The following QTMAN variants were observed in gnomAD, a reference collection of about 807,000 sequenced individuals.
The protein encoded by QTMAN is queuosine-tRNA mannosyltransferase, also known as tRNA-queuosine alpha-mannosyltransferase.
chr2:143,956,339 CAAT>C, the QTMAN span, among the ~76,000 whole-genome samples: 166 of 152,198 alleles, frequency 1.1e-3, no homozygotes, highest in African/African-American at 3.5e-3. Flanking sequence ...GGCTTTGACT[CAAT>C]GATGCATGCT....
the QTMAN span, among the ~76,000 whole-genome samples, chr2:144,287,642 T>C: frequency 6.6e-6 from 1 of 152,144 alleles, no homozygotes; most frequent in Non-Finnish European, 1.5e-5. Flanking sequence ...CTACTAAACC[T>C]AGATCTATCT....
the QTMAN span, among the ~76,000 whole-genome samples, chr2:144,225,772 C>T: frequency 6.6e-6 from 1 of 152,182 alleles, no homozygotes; most frequent in Non-Finnish European, 1.5e-5. Context: ...GAAGTAATTA[C>T]GCTTTCCTCT....
At chr2:143,964,772 T>G in the QTMAN span, among the ~76,000 whole-genome samples, 6 of 152,056 alleles carry the variant, frequency 3.9e-5, no homozygotes, top group Non-Finnish European at 5.9e-5. Context: ...ACCAGAAGCT[T>G]TCCATATACT....
the QTMAN span, among the ~76,000 whole-genome samples, chr2:144,083,028 T>C: frequency 1.3e-5 from 2 of 152,186 alleles, no homozygotes; most frequent in Admixed American, 6.5e-5. Context: ...TCTCCCTCTC[T>C]AGAGGCCGGC....
the QTMAN span, among the ~76,000 whole-genome samples, chr2:144,247,198 TG>T: frequency 6.6e-6 from 1 of 152,110 alleles, no homozygotes; most frequent in Non-Finnish European, 1.5e-5. Context: ...GGGAGGAGAA[TG>T]GAAGTGTGCT....
the QTMAN span, among the ~76,000 whole-genome samples, chr2:144,120,101 A>C: frequency 2.6e-5 from 4 of 152,168 alleles, no homozygotes; most frequent in Non-Finnish European, 5.9e-5. Context: ...AAAAAATATG[A>C]GATTTGTGGT....
the QTMAN span, among the ~76,000 whole-genome samples, chr2:144,045,137 C>T: frequency 3.3e-5 from 5 of 152,290 alleles, no homozygotes; most frequent in African/African-American, 2.4e-5. Flanking sequence ...ATTTTAAAGA[C>T]GAAGTTCCAC....
chr2:144,075,037 G>A, the QTMAN span, among the ~76,000 whole-genome samples: 2 of 152,210 alleles, frequency 1.3e-5, no homozygotes, highest in Non-Finnish European at 2.9e-5. Context: ...AACTTTTGAG[G>A]AGGTAAGCAA....
chr2:144,172,615 C>A, the QTMAN span, among the ~76,000 whole-genome samples: 1 of 118,394 alleles, frequency 8.4e-6, no homozygotes, highest in East Asian at 2.4e-4. Flanking sequence ...CAGAACAAGA[C>A]TCTGTCAAAA....
the QTMAN span, among the ~76,000 whole-genome samples, chr2:144,038,187 T>C: frequency 2.0e-5 from 3 of 152,232 alleles, no homozygotes; most frequent in Non-Finnish European, 2.9e-5. Flanking sequence ...TAATCATTCA[T>C]TGCTGTGAAT....
chr2:144,054,141 T>C, the QTMAN span, among the ~76,000 whole-genome samples: 6 of 151,856 alleles, frequency 4.0e-5, no homozygotes, highest in African/African-American at 1.5e-4. Context: ...TGAGCAGAGA[T>C]TGAGCCACTG....
the QTMAN span, chr2:144,145,735 G>C: frequency 1.2e-6 from 2 of 1,608,240 alleles, no homozygotes; most frequent in African/African-American, 2.7e-5. Flanking sequence ...CTTGCAAAGA[G>C]GGTCCTAGGA....
chr2:144,133,399 AAATAT>A, the QTMAN span, among the ~76,000 whole-genome samples: 67 of 61,140 alleles, frequency 1.1e-3, 1 homozygote, highest in Middle Eastern at 0.024. Flanking sequence ...TATATTATAT[AAATAT>A]AATATATTAT....
the QTMAN span, among the ~76,000 whole-genome samples, chr2:144,135,762 G>C: frequency 1.3e-5 from 2 of 152,118 alleles, no homozygotes; most frequent in African/African-American, 4.8e-5. Flanking sequence ...CAACAAAATT[G>C]TTAAGAGTTT....
At chr2:144,106,461 C>A in the QTMAN span, among the ~76,000 whole-genome samples, 1 of 152,142 alleles carries the variant, frequency 6.6e-6, no homozygotes, top group Non-Finnish European at 1.5e-5. Context: ...CAATCCTAGT[C>A]TCTGATAAAA....
At chr2:144,125,210 G>A in the QTMAN span, among the ~76,000 whole-genome samples, 1 of 151,774 alleles carries the variant, frequency 6.6e-6, no homozygotes, top group Non-Finnish European at 1.5e-5. Flanking sequence ...GAGTTAGTAT[G>A]AACATGTGAG....
chr2:144,301,655 G>A, the QTMAN span, among the ~76,000 whole-genome samples: 7 of 152,084 alleles, frequency 4.6e-5, no homozygotes, highest in South Asian at 2.1e-4. Flanking sequence ...TATTAAACAC[G>A]GGATCATGTA....
At chr2:144,163,206 A>G in the QTMAN span, among the ~76,000 whole-genome samples, 3 of 152,178 alleles carry the variant, frequency 2.0e-5, no homozygotes, top group African/African-American at 4.8e-5. Flanking sequence ...AGGAAGTAAA[A>G]CAGGTTATTA....
the QTMAN span, among the ~76,000 whole-genome samples, chr2:144,321,597 GTTTA>G: frequency 6.6e-6 from 1 of 152,010 alleles, no homozygotes; most frequent in South Asian, 2.1e-4. Context: ...AAGAAAATTG[GTTTA>G]TTATTTGTTT....
Sources: gnomAD v4.1 joint callset for allele counts (sites outside exome capture counted in the v4.1 genomes callset) on GRCh38, gnomAD v4.1.1 for gene constraint, MANE v1.5 for transcripts, NCBI Gene and HGNC (gene_info 2026-07-23, HGNC 2026-07-21) for gene names.